NUDT3: variants seen among roughly 807,000 people sequenced by gnomAD.
NUDT3 encodes diphosphoinositol polyphosphate phosphohydrolase 1.
In NUDT3, 9 loss-of-function variants were observed where a neutral mutation model predicts 23.6. That is an observed-to-expected ratio of 0.38 (90% confidence interval 0.23 to 0.66). The LOEUF is 0.66. Ranked by LOEUF, NUDT3 falls within the 30% of genes least tolerant of loss-of-function variation. The probability of loss-of-function intolerance (pLI) is 0.52; values close to 1 mark genes in which losing one functional copy is unlikely to be tolerated. For synonymous variants in NUDT3, 86 were observed against 82.6 expected (o/e 1.04, Z -0.22); for missense variants, 172 against 218.5 (o/e 0.79, Z 1.34).
rs142102448 is a variant in NUDT3, at chr6:34,313,903, G to T, written c.211-18218C>A. 2.2e-3 allele frequency among the ~76,000 whole-genome samples: 322 copies of T among 149,460 alleles called. 1 individual carries two copies. Among genetic ancestry groups the T allele is most frequent in the East Asian group, 0.011 (54 of 4,986 alleles). ...ATCTGAGGCTGGGAGTTCGAGACCA[G>T]CCTGACCAACATGGAGAAACCCCGT... is the stretch of plus-strand genomic sequence containing the variant. On this transcript the variant is annotated intron_variant, in intron 2 of 4. Coordinates refer to ENST00000607016, the MANE Select transcript of NUDT3 (RefSeq NM_006703.4).
At chr6:34,334,342 A>G (rs936813873) in intron 2 of NUDT3, among the ~76,000 whole-genome samples, 3 of 152,196 alleles carry the variant, frequency 2.0e-5, no homozygotes, top group African/African-American at 7.2e-5. Flanking sequence ...TTCGACAATG[A>G]GCAAGAAAAA....
At chr6:34,349,811 C>T (rs561589912) in intron 1 of NUDT3, among the ~76,000 whole-genome samples, 2 of 150,764 alleles carry the variant, frequency 1.3e-5, no homozygotes, top group Non-Finnish European at 2.9e-5. Flanking sequence ...ATTATCTAGG[C>T]CAGGCACGGT....
At chr6:34,318,563 T>C (rs1561905210) in intron 2 of NUDT3, among the ~76,000 whole-genome samples, 1 of 152,196 alleles carries the variant, frequency 6.6e-6, no homozygotes. Context: ...TGTTGGGATA[T>C]AAAGATTTCC....
intron 2 of NUDT3, among the ~76,000 whole-genome samples, chr6:34,306,595 T>G (rs76502150): frequency 0.096 from 14,585 of 152,310 alleles, 805 homozygotes; most frequent in Non-Finnish European, 0.12. Flanking sequence ...TCTGGACTCA[T>G]TTCATTTCGC....
intron 2 of NUDT3, among the ~76,000 whole-genome samples, chr6:34,340,590 G>T (rs2113733863): frequency 6.6e-6 from 1 of 152,266 alleles, no homozygotes; most frequent in Non-Finnish European, 1.5e-5. Context: ...ACCCGGGTTA[G>T]CCTCCTTACC....
rs1302070460 is a variant in NUDT3 at position 34,281,144 on chromosome 6, T to C, written c.*7609A>G. On this transcript the variant is annotated 3_prime_UTR_variant, in exon 5 of 5. Coordinates refer to ENST00000607016, the MANE Select transcript of NUDT3 (RefSeq NM_006703.4). ...TAACCTTTCTGATGCTGATAGTAGA[T>C]GAGTGGAGTGGAGGTAATCGTGAGA... 1 of 152,212 alleles carries C rather than the reference T, an allele frequency of 6.6e-6. No individual in the cohort carries two copies. Among genetic ancestry groups the C allele is most frequent in the African/African-American group, 2.4e-5 (1 of 41,440 alleles). 9.4% of individuals were successfully genotyped at this position (152,212 alleles called of 1,614,324 possible).
intron 1 of NUDT3, among the ~76,000 whole-genome samples, chr6:34,381,058 C>T (rs1765008811): frequency 6.6e-6 from 1 of 152,130 alleles, no homozygotes; most frequent in Non-Finnish European, 1.5e-5. Context: ...ACTCTGTCAC[C>T]CAGGCTGAAG....
chr6:34,325,578 G>A (rs1764013340), intron 2 of NUDT3, among the ~76,000 whole-genome samples: 1 of 152,154 alleles, frequency 6.6e-6, no homozygotes, highest in African/African-American at 2.4e-5. Flanking sequence ...GTTTTCCTAG[G>A]AGGGCGGAAT....
intron 3 of NUDT3, among the ~76,000 whole-genome samples, chr6:34,295,295 G>A (rs1439055364): frequency 2.0e-5 from 3 of 152,064 alleles, no homozygotes; most frequent in African/African-American, 7.2e-5. Context: ...GGCTGAGGCA[G>A]GAGGATCGCT....
At chr6:34,350,841 T>C (rs1470640509) in intron 1 of NUDT3, among the ~76,000 whole-genome samples, 1 of 150,600 alleles carries the variant, frequency 6.6e-6, no homozygotes, top group African/African-American at 2.5e-5. Flanking sequence ...AAAGAGGAAA[T>C]TCCCTGCCTA....
At chr6:34,330,363 C>G (rs1323918994) in intron 2 of NUDT3, among the ~76,000 whole-genome samples, 1 of 152,124 alleles carries the variant, frequency 6.6e-6, no homozygotes, top group Non-Finnish European at 1.5e-5. Flanking sequence ...GAGATGGTAC[C>G]TCATTGTGGT....
chr6:34,370,354 T>C (rs1388765383), intron 1 of NUDT3, among the ~76,000 whole-genome samples: 1 of 152,174 alleles, frequency 6.6e-6, no homozygotes, highest in East Asian at 1.9e-4. Flanking sequence ...CTTTGCACTC[T>C]CCCATTCCTC....
intron 2 of NUDT3, among the ~76,000 whole-genome samples, chr6:34,298,307 G>A (rs1313451003): frequency 1.3e-5 from 2 of 152,084 alleles, no homozygotes; most frequent in African/African-American, 4.8e-5. Context: ...GCTGCAGTGA[G>A]CCATGACTGC....
intron 1 of NUDT3, among the ~76,000 whole-genome samples, chr6:34,348,252 T>C (rs529313934): frequency 5.5e-4 from 83 of 151,088 alleles, no homozygotes; most frequent in African/African-American, 1.8e-3. Context: ...CATGACTGCA[T>C]TCCAGCCTGG....
At chr6:34,356,158 TA>T (rs1764558027) in intron 1 of NUDT3, among the ~76,000 whole-genome samples, 1 of 152,156 alleles carries the variant, frequency 6.6e-6, no homozygotes, top group Non-Finnish European at 1.5e-5. Context: ...AAAGAAAGGA[TA>T]AATGCCTGAG....
At chr6:34,391,947 C>T (rs1765208781) in intron 1 of NUDT3, among the ~76,000 whole-genome samples, 2 of 152,224 alleles carry the variant, frequency 1.3e-5, no homozygotes, top group Non-Finnish European at 2.9e-5. Context: ...CCGAAAGCCG[C>T]ACTCTTCCCA....
At chr6:34,377,904 G>A (rs1384012285) in intron 1 of NUDT3, among the ~76,000 whole-genome samples, 1 of 151,998 alleles carries the variant, frequency 6.6e-6, no homozygotes, top group Non-Finnish European at 1.5e-5. Flanking sequence ...CTGGCGTTCA[G>A]GCTACTGTTA....
chr6:34,295,221 T>C (rs1024228469), intron 3 of NUDT3, among the ~76,000 whole-genome samples: 1 of 152,052 alleles, frequency 6.6e-6, no homozygotes, highest in African/African-American at 2.4e-5. Context: ...TGGTGTTGCT[T>C]TCTTTAAAAA....
At chr6:34,354,559 C>T (rs944237274) in intron 1 of NUDT3, among the ~76,000 whole-genome samples, 15 of 151,738 alleles carry the variant, frequency 9.9e-5, no homozygotes, top group Non-Finnish European at 1.8e-4. Context: ...CCCATCTCTA[C>T]TAAAAACACA....
Sources: allele counts gnomAD v4.1 joint callset (sites outside exome capture counted in the v4.1 genomes callset), GRCh38; gene constraint gnomAD v4.1.1; transcripts MANE v1.5; gene names NCBI Gene and HGNC (gene_info 2026-07-23, HGNC 2026-07-21).